The following COX7B2 variants were observed in gnomAD, a reference collection of about 807,000 sequenced individuals.
COX7B2 encodes cytochrome c oxidase subunit 7B2.
For missense variants in COX7B2, 109 were observed against 95.9 expected (o/e 1.14, Z -0.57); for synonymous variants, 37 against 32.1 (o/e 1.15, Z -0.51).
At chr4:46,751,637 T>C (rs1333108938) in intron 2 of COX7B2, among the ~76,000 whole-genome samples, 2 of 151,938 alleles carry the variant, frequency 1.3e-5, no homozygotes, top group African/African-American at 4.9e-5. Context: ...AGATAAACTG[T>C]ATAAAATATA....
intron 2 of COX7B2, among the ~76,000 whole-genome samples, chr4:46,805,441 G>T (rs978362031): frequency 6.6e-6 from 1 of 152,212 alleles, no homozygotes; most frequent in African/African-American, 2.4e-5. Flanking sequence ...TGTTATAGAT[G>T]GGAGAGTTCT....
chr4:46,905,407 A>T (rs945045639), intron 1 of COX7B2, among the ~76,000 whole-genome samples: 2 of 152,206 alleles, frequency 1.3e-5, no homozygotes, highest in Non-Finnish European at 2.9e-5. Flanking sequence ...TAGAAACCGG[A>T]ACTGAATGTC....
chr4:46,812,089 T>A (rs777698833), intron 2 of COX7B2, among the ~76,000 whole-genome samples: 9 of 152,168 alleles, frequency 5.9e-5, no homozygotes, highest in Non-Finnish European at 1.3e-4. Flanking sequence ...AGTGCAGCAC[T>A]ATAATATAAT....
intron 2 of COX7B2, among the ~76,000 whole-genome samples, chr4:46,761,210 C>T (rs1239382272): frequency 6.6e-6 from 1 of 152,150 alleles, no homozygotes; most frequent in Non-Finnish European, 1.5e-5. Context: ...GCTATGACAT[C>T]AGAAACCAGA....
chr4:46,857,833 G>GCAAC (rs910214362), intron 1 of COX7B2, among the ~76,000 whole-genome samples: 11 of 152,220 alleles, frequency 7.2e-5, no homozygotes, highest in African/African-American at 2.4e-4. Flanking sequence ...CCCTGGTGTT[G>GCAAC]GGAAGAGTAA....
At chr4:46,898,632 C>G (rs187812291) in intron 1 of COX7B2, among the ~76,000 whole-genome samples, 1 of 151,980 alleles carries the variant, frequency 6.6e-6, no homozygotes, top group Admixed American at 6.6e-5. Context: ...GCTGTGTTAA[C>G]CAGGCTGTTC....
In COX7B2 at chr4:46,784,355, G is replaced by A. The variant is rs151135872; in HGVS notation, c.-49-49114C>T. On this transcript the variant is annotated intron_variant, in intron 2 of 2. Transcript: ENST00000355591. ...AAAGACTTAGAAAAGGGCCGGGTGC[G>A]GTGGCTTATGCCTGTAATCCCAGCA... Among the ~76,000 whole-genome samples the A allele has an allele frequency of 1.6e-3, 243 of 152,214 alleles. 2 individuals are homozygous for A. The highest frequency in any genetic ancestry group is 4.3e-3 in the African/African-American group (177 of 41,542).
intron 2 of COX7B2, among the ~76,000 whole-genome samples, chr4:46,761,079 A>C (rs901332034): frequency 1.3e-5 from 2 of 152,118 alleles, no homozygotes; most frequent in Admixed American, 6.6e-5. Flanking sequence ...CAAACACAGG[A>C]CAACTTCTTA....
chr4:46,808,977 G>A (rs1461715677), intron 2 of COX7B2, among the ~76,000 whole-genome samples: 1 of 151,786 alleles, frequency 6.6e-6, no homozygotes, highest in Admixed American at 6.6e-5. Flanking sequence ...AGAGAAATTG[G>A]TCTGTAGTTT....
chr4:46,743,474 AATAC>A (rs1714832729), intron 2 of COX7B2, among the ~76,000 whole-genome samples: 1 of 152,238 alleles, frequency 6.6e-6, no homozygotes, highest in South Asian at 2.1e-4. Flanking sequence ...CAGTGGCTGA[AATAC>A]ATAGTCTCTT....
At chr4:46,764,525 A>G (rs940474287) in intron 2 of COX7B2, among the ~76,000 whole-genome samples, 2 of 151,934 alleles carry the variant, frequency 1.3e-5, no homozygotes, top group Admixed American at 1.3e-4. Flanking sequence ...TCTGGGCAAC[A>G]GAGTGAGACT....
At chr4:46,898,148 G>T (rs13115057) in intron 1 of COX7B2, among the ~76,000 whole-genome samples, 36,899 of 151,922 alleles carry the variant, frequency 0.24, 4,687 homozygotes, top group East Asian at 0.29. Context: ...TTTTCTCCTG[G>T]ATATAGTCAT....
intron 2 of COX7B2, among the ~76,000 whole-genome samples, chr4:46,797,259 A>G (rs1209938572): frequency 6.6e-6 from 1 of 152,056 alleles, no homozygotes; most frequent in Non-Finnish European, 1.5e-5. Flanking sequence ...AAAAGGTAAA[A>G]GTAAGACCTT....
In COX7B2 at chr4:46,842,899, T is replaced by TC. The variant is rs1344315262; in HGVS notation, c.-50+2060dup. Among the ~76,000 whole-genome samples the TC allele has an allele frequency of 3.9e-5, 6 of 152,080 alleles. No individual in the cohort carries two copies. The South Asian group carries it at 1.2e-3, about 31-fold the overall frequency. On this transcript the variant is annotated intron_variant, in intron 2 of 2. Coordinates refer to ENST00000355591, the MANE Select transcript of COX7B2 (RefSeq NM_130902.3). The stretch of plus-strand genomic sequence containing the variant: ...GTCTTTACAGCAGCATGATTTATAA[T>TC]CCTTTGGGTATATACCCAGTAATGG...
chr4:46,794,486 T>A (rs1037546271), intron 2 of COX7B2, among the ~76,000 whole-genome samples: 1 of 152,122 alleles, frequency 6.6e-6, no homozygotes, highest in African/African-American at 2.4e-5. Context: ...TACTCACCCA[T>A]ACTGAGAGGG....
intron 1 of COX7B2, among the ~76,000 whole-genome samples, chr4:46,870,711 CA>C (rs929864775): frequency 6.6e-6 from 1 of 151,868 alleles, no homozygotes; most frequent in Non-Finnish European, 1.5e-5. Context: ...AGCCAACAAC[CA>C]AATAAGGAAC....
intron 2 of COX7B2, among the ~76,000 whole-genome samples, chr4:46,743,181 T>C (rs960377398): frequency 1.3e-5 from 2 of 152,170 alleles, no homozygotes. Flanking sequence ...GCCCAACACA[T>C]TTCCTCAAAG....
At chr4:46,830,267 T>C (rs1714978533) in intron 2 of COX7B2, among the ~76,000 whole-genome samples, 2 of 138,928 alleles carry the variant, frequency 1.4e-5, no homozygotes, top group Non-Finnish European at 1.5e-5. Flanking sequence ...GAGGTTGCAA[T>C]GAGCTGAGAT....
At chr4:46,849,499 T>C (rs1382818986) in intron 1 of COX7B2, among the ~76,000 whole-genome samples, 1 of 152,120 alleles carries the variant, frequency 6.6e-6, no homozygotes, top group East Asian at 1.9e-4. Flanking sequence ...ATGGATAGTA[T>C]ATGCTCAATA....
Sources: allele counts gnomAD v4.1 joint callset (sites outside exome capture counted in the v4.1 genomes callset), GRCh38; gene constraint gnomAD v4.1.1; transcripts MANE v1.5; gene names NCBI Gene and HGNC (gene_info 2026-07-23, HGNC 2026-07-21).